Variants in XRCC6 observed in about 807,000 individuals in gnomAD.
XRCC6 encodes the protein DNA repair protein Ku70.
Under a neutral mutation model 65.7 loss-of-function variants are expected in XRCC6, and 5 were observed. The observed-to-expected ratio is 0.08, with a 90% CI of 0.04 to 0.16. The LOEUF (loss-of-function observed/expected upper bound fraction) is 0.16, where lower values mean the gene tolerates loss of function less well. Ranked by LOEUF, XRCC6 falls within the 10% of genes least tolerant of loss-of-function variation. The probability of loss-of-function intolerance (pLI) is 1.00; values close to 1 mark genes in which losing one functional copy is unlikely to be tolerated. For synonymous variants in XRCC6, 270 were observed against 270.6 expected, an observed-to-expected ratio of 1.00 and a Z score of 0.02; for missense variants, 447 against 738.1, an observed-to-expected ratio of 0.61 and a Z score of 4.57.
At chr22:41,622,172 G>C (rs942754743) in intron 2 of XRCC6, 86 bp downstream of exon 2, 2 of 1,382,926 alleles carry the variant, frequency 1.4e-6, no homozygotes, top group Non-Finnish European at 2.0e-6. Flanking sequence ...TTTGCTGTTT[G>C]ATGGCCTGCC....
Position 41,621,898 on chromosome 22 carries a change from C to G in XRCC6, c.-15-92C>G, listed in dbSNP as rs2067611151. On this transcript the variant is annotated intron_variant, in intron 1 of 12. Transcript: ENST00000360079. ...ACCGTCCACATTCCTCACTACTAAC[C>G]AAGCTTTTAGAACAGATCTCACAAG... The G allele has an allele frequency of 3.9e-6, 5 of 1,291,234 alleles. No individual in the cohort carries two copies. The East Asian group carries it at 9.3e-5, about 24-fold the overall frequency. The allele number at this position is 1,291,234 out of a possible 1,614,324, so 80.0% of individuals were successfully genotyped here. A position where few individuals can be genotyped will look rare whatever the true frequency, so the allele number is the denominator to read the frequency against.
Position 41,638,776 on chromosome 22 carries a change from CAAAAAAAAA to C in XRCC6, c.773+999_773+1007del, listed in dbSNP as rs56677816. Among the ~76,000 whole-genome samples the C allele has an allele frequency of 4.6e-5, 3 of 65,702 alleles. No individual in the cohort carries two copies. The East Asian group carries it at 1.3e-3, about 29-fold the overall frequency. 43.1% of individuals were successfully genotyped at this position (65,702 alleles called of 152,430 possible). On this transcript the variant is annotated intron_variant, in intron 6 of 12. Transcript: ENST00000360079. ...CTGGTGACAAAGTGAGACTCCGCCT[CAAAAAAAAA>C]AAAAAAAAAAAAAGAAATATGGTAT...
chr22:41,621,797 T>A (rs1291836632), intron 1 of XRCC6, 193 bp from the exon 2 acceptor site: 5 of 566,342 alleles, frequency 8.8e-6, no homozygotes, highest in Non-Finnish European at 1.6e-5. Context: ...ATAGCTGAGA[T>A]GAGGCAGCTA....
intron 9 of XRCC6, among the ~76,000 whole-genome samples, chr22:41,654,273 T>TC (rs1406976707): frequency 3.3e-5 from 5 of 152,188 alleles, no homozygotes; most frequent in Admixed American, 6.6e-5. Flanking sequence ...GGAGCACCTT[T>TC]CCCTCGGGGT....
intron 10 of XRCC6, among the ~76,000 whole-genome samples, 155 bp from the exon 11 acceptor site, chr22:41,658,097 T>TA (rs2068062040): frequency 6.6e-6 from 1 of 152,198 alleles, no homozygotes; most frequent in African/African-American, 2.4e-5. Context: ...GTGCTGGGAT[T>TA]ACAGGCATGG....
In XRCC6 at chr22:41,661,651, C is replaced by T. The variant is rs2068100796; in HGVS notation, c.1636+207C>T. On this transcript the variant is annotated intron_variant, in intron 12 of 12. Transcript: ENST00000360079. ...CTGTTGGTGGGAATGTAAATTAGTA[C>T]AGCCACTATTATGGAGAATAGTTGG... The T allele has an allele frequency of 2.1e-5, 11 of 535,298 alleles. No individual in the cohort carries two copies. In the East Asian group the frequency reaches 2.9e-4, roughly 14 times the overall value. The allele number at this position is 535,298 out of a possible 1,614,324, so 33.2% of individuals were successfully genotyped here. A position where few individuals can be genotyped will look rare whatever the true frequency, so the allele number is the denominator to read the frequency against.
intron 6 of XRCC6, among the ~76,000 whole-genome samples, chr22:41,642,090 T>G (rs912398070): frequency 2.6e-5 from 4 of 152,206 alleles, no homozygotes; most frequent in African/African-American, 9.6e-5. Flanking sequence ...CTACACTTTC[T>G]TTATCCATTC....
At chr22:41,626,623 G>A (rs1353615363) in intron 2 of XRCC6, among the ~76,000 whole-genome samples, 3 of 139,750 alleles carry the variant, frequency 2.1e-5, no homozygotes, top group South Asian at 4.6e-4. Flanking sequence ...CCTGGCTAAT[G>A]TTTGTTTGTT....
intron 11 of XRCC6, among the ~76,000 whole-genome samples, chr22:41,660,806 G>A (rs1215605459): frequency 1.3e-5 from 2 of 151,672 alleles, no homozygotes; most frequent in African/African-American, 4.8e-5. Context: ...TAAGCTCACC[G>A]CAGGCATGAG....
At chr22:41,627,544 G>C (rs535516952) in intron 2 of XRCC6, among the ~76,000 whole-genome samples, 1 of 148,108 alleles carries the variant, frequency 6.8e-6, no homozygotes, top group Admixed American at 6.8e-5. Context: ...CTGGGAGACG[G>C]AGGTCGTAGT....
intron 6 of XRCC6, among the ~76,000 whole-genome samples, chr22:41,646,421 A>C (rs2147098994): frequency 6.6e-6 from 1 of 152,272 alleles, no homozygotes; most frequent in Non-Finnish European, 1.5e-5. Flanking sequence ...ACAAACTATC[A>C]TTTTATTATA....
At chr22:41,631,144 A>AC (rs1287269358) in intron 3 of XRCC6, among the ~76,000 whole-genome samples, 7 of 136,538 alleles carry the variant, frequency 5.1e-5, no homozygotes, top group Middle Eastern at 7.1e-3. Flanking sequence ...CGGGGGGCTG[A>AC]CCCCCCCACC....
chr22:41,625,912 C>G (rs536902044), intron 2 of XRCC6, among the ~76,000 whole-genome samples: 1 of 151,860 alleles, frequency 6.6e-6, no homozygotes, highest in Non-Finnish European at 1.5e-5. Context: ...AATCTCGGCT[C>G]GCTGCAATCT....
At chr22:41,633,783 C>A (rs1272115710) in intron 3 of XRCC6, among the ~76,000 whole-genome samples, 1 of 152,088 alleles carries the variant, frequency 6.6e-6, no homozygotes, top group Non-Finnish European at 1.5e-5. Flanking sequence ...TAATGGAACC[C>A]TTGATGCCTA....
In XRCC6 at chr22:41,636,780, T is replaced by C. The variant is rs1484381863; in HGVS notation, c.589+10T>C. ...GATCTCCGAGATACAGGTGGGCATA[T>C]TTCCCCGTTCTCTTAAATTGGCACT... On this transcript the variant is annotated intron_variant, in intron 5 of 12. Transcript: ENST00000360079. The C allele has an allele frequency of 2.5e-6, 4 of 1,611,072 alleles. No individual in the cohort carries two copies. Among genetic ancestry groups the C allele is most frequent in the Non-Finnish European group, 3.4e-6 (4 of 1,179,036 alleles).
intron 2 of XRCC6, among the ~76,000 whole-genome samples, chr22:41,625,507 G>A (rs1179679341): frequency 6.6e-6 from 1 of 152,178 alleles, no homozygotes; most frequent in Non-Finnish European, 1.5e-5. Context: ...GCACATGCCC[G>A]TAATCCCAGC....
At chr22:41,649,856 T>A (rs1019964810) in intron 7 of XRCC6, among the ~76,000 whole-genome samples, 29 of 147,922 alleles carry the variant, frequency 2.0e-4, no homozygotes, top group African/African-American at 6.5e-4. Context: ...AAAATAATAA[T>A]AAATAAATAA....
intron 9 of XRCC6, 140 bp from the exon 10 acceptor site, chr22:41,656,763 A>C (rs1347426022): frequency 9.5e-7 from 1 of 1,048,820 alleles, no homozygotes. Flanking sequence ...AACAAAAACC[A>C]GCTGGTGGAG....
Position 41,647,176 on chromosome 22 carries a change from A to G in XRCC6, c.960+94A>G. The G allele has an allele frequency of 3.6e-6, 5 of 1,370,714 alleles. No homozygotes were observed. In the Admixed American group the frequency reaches 6.1e-5, roughly 17 times the overall value. 84.9% of individuals were successfully genotyped at this position (1,370,714 alleles called of 1,614,324 possible). A position where few individuals can be genotyped will look rare whatever the true frequency, so the allele number is the denominator to read the frequency against. Reference sequence around the variant, plus strand: ...TGCAGTGGGGCGAACATGACTCGCTACAGCCTTGACCTCCTGGACTCAAGC... The same window carrying G: ...TGCAGTGGGGCGAACATGACTCGCTGCAGCCTTGACCTCCTGGACTCAAGC... On this transcript the variant is annotated intron_variant, in intron 7 of 12. Coordinates refer to ENST00000360079, the MANE Select transcript of XRCC6 (RefSeq NM_001469.5).
Sources: allele counts gnomAD v4.1 joint callset (sites outside exome capture counted in the v4.1 genomes callset), GRCh38; gene constraint gnomAD v4.1.1; transcripts MANE v1.5; gene names NCBI Gene and HGNC (gene_info 2026-07-23, HGNC 2026-07-21).